Variants in MAP2K5 observed in about 807,000 individuals in gnomAD.
The protein encoded by MAP2K5 is dual specificity mitogen-activated protein kinase kinase 5.
In MAP2K5, 49 loss-of-function variants were observed where a neutral mutation model predicts 83.1. The ratio of observed to expected loss-of-function variants is 0.59; its 90% CI spans 0.47 to 0.75. The LOEUF is 0.75. MAP2K5 is among the 30% of genes least tolerant of loss of function. The pLI, the probability that MAP2K5 is intolerant of heterozygous loss-of-function variation, is 0.00. For missense variants in MAP2K5, 457 were observed against 557.5 expected, an observed-to-expected ratio of 0.82 and a Z score of 1.82; for synonymous variants, 202 against 191.8, an observed-to-expected ratio of 1.05 and a Z score of -0.44.
At chr15:67,699,022 T>C (rs2141210536) in intron 15 of MAP2K5, among the ~76,000 whole-genome samples, 1 of 151,956 alleles carries the variant, frequency 6.6e-6, no homozygotes, top group East Asian at 1.9e-4. Context: ...GGTCTCAGAG[T>C]TGGCACATAG....
chr15:67,692,504 A>T lies in MAP2K5; in HGVS notation c.873A>T (p.Val291=). Residue 291 remains valine, a synonymous_variant, in exon 14 of 22, where the codon GTA becomes GTT. Transcript: ENST00000178640. ...ACGTGAAGCCCTCCAATATGCTAGTAAACACAAGAGGACAGGTTAAGCTGT... is the reference window on the plus strand; with the variant it reads ...ACGTGAAGCCCTCCAATATGCTAGTTAACACAAGAGGACAGGTTAAGCTGT... ...HRDVKPSNML[V]NTRGQVKLCD... is the part of the protein sequence containing the mutation. The T allele has an allele frequency of 6.2e-7, 1 of 1,613,630 alleles. No individual in the cohort carries two copies. Among genetic ancestry groups the T allele is most frequent in the Non-Finnish European group, 8.5e-7 (1 of 1,179,640 alleles).
chr15:67,603,892 T>C (rs1422546270), intron 8 of MAP2K5, among the ~76,000 whole-genome samples: 3 of 152,212 alleles, frequency 2.0e-5, no homozygotes, highest in Admixed American at 6.5e-5. Flanking sequence ...AATCCACTCA[T>C]TGGTAACAAA....
In MAP2K5 at chr15:67,783,307, TCTC is replaced by T. The variant is rs1168006938; in HGVS notation, c.1242+10560_1242+10562del. On this transcript the variant is annotated intron_variant, in intron 21 of 21. Coordinates refer to ENST00000178640, the MANE Select transcript of MAP2K5 (RefSeq NM_145160.3). The surrounding 1 kb of genome is among the most constrained non-coding windows in gnomAD (Gnocchi z 5.1). ...AATTGCCAGAGACCCCCGCTCACCT[TCTC>T]CTCCCACCCTCACCTACCCCTTCAC... is the stretch of plus-strand genomic sequence containing the variant. 6.6e-6 allele frequency among the ~76,000 whole-genome samples: 1 copy of T among 151,984 alleles called. No individual in the cohort carries two copies. Among genetic ancestry groups the T allele is most frequent in the Non-Finnish European group, 1.5e-5 (1 of 67,988 alleles).
Position 67,626,031 on chromosome 15 carries a change from A to G in MAP2K5, c.546-4857A>G, listed in dbSNP as rs1302067058. Among the ~76,000 whole-genome samples the G allele has an allele frequency of 2.0e-5, 3 of 152,092 alleles. No homozygotes were observed. The East Asian group carries it at 5.8e-4, about 29-fold the overall frequency. On this transcript the variant is annotated intron_variant, in intron 8 of 21. Transcript: ENST00000178640. Reference sequence around the variant, plus strand: ...AAGTAACAACACTGATCTTTTTACAACTTTTGAATCCTGTGTATATATTTA... The same window carrying G: ...AAGTAACAACACTGATCTTTTTACAGCTTTTGAATCCTGTGTATATATTTA...
rs1270064963 is a variant in MAP2K5, at chr15:67,543,407, A to C, written c.72A>C (p.Pro24=). The C allele has an allele frequency of 6.2e-7, 1 of 1,613,928 alleles. No homozygotes were observed. Among genetic ancestry groups the C allele is most frequent in the East Asian group, 2.2e-5 (1 of 44,880 alleles). Residue 24 remains proline (P), a synonymous_variant, in exon 1 of 22, where the codon CCA becomes CCC. Transcript: ENST00000178640. The surrounding 1 kb of genome is among the most constrained non-coding windows in gnomAD (Gnocchi z 4.3). ...NQVLVIRIKI[P]NSGAVDWTVH... ...TGCTGGTAATTCGCATCAAGATCCC[A>C]AATAGTGGCGCGGTGGACTGGACAG...
In MAP2K5 at chr15:67,565,231, T is replaced by C. The variant is rs118134506; in HGVS notation, c.252+1881T>C. Among the ~76,000 whole-genome samples, 1,281 of 152,208 alleles carry C rather than the reference T, an allele frequency of 8.4e-3. 43 individuals carry two copies. Among genetic ancestry groups the C allele is most frequent in the Admixed American group, 0.062 (942 of 15,288 alleles). ...GATTTTTTTTATGTCATCACTGTTA[T>C]TTATTTTTTTTTCTCCGAGATGGAG... On this transcript the variant is annotated intron_variant, in intron 3 of 21. Transcript: ENST00000178640. The surrounding 1 kb of genome is among the most constrained non-coding windows in gnomAD (Gnocchi z 4.1).
chr15:67,610,587 C>T (rs755825219), intron 8 of MAP2K5, among the ~76,000 whole-genome samples: 6 of 152,124 alleles, frequency 3.9e-5, no homozygotes, highest in South Asian at 4.1e-4. Context: ...AGGCATTTAC[C>T]GCGTATAACT....
intron 17 of MAP2K5, among the ~76,000 whole-genome samples, chr15:67,741,039 A>G (rs1045681756): frequency 1.3e-5 from 2 of 152,008 alleles, no homozygotes; most frequent in African/African-American, 4.8e-5. Context: ...AAAAAAAAAA[A>G]AAAAAAAAAG....
intron 8 of MAP2K5, among the ~76,000 whole-genome samples, chr15:67,622,471 G>A (rs183543173): frequency 6.6e-6 from 1 of 152,114 alleles, no homozygotes; most frequent in African/African-American, 2.4e-5. Flanking sequence ...ATGAAATGGA[G>A]ATGAGTATAA....
At chr15:67,648,642 G>T (rs1445075698) in intron 11 of MAP2K5, among the ~76,000 whole-genome samples, 1 of 148,184 alleles carries the variant, frequency 6.7e-6, no homozygotes, top group Non-Finnish European at 1.5e-5. Context: ...GGGTGATCTC[G>T]GCTCACTGCA....
In MAP2K5 at chr15:67,636,669, A is replaced by G. The variant is rs1470610275; in HGVS notation, c.585+5742A>G. On this transcript the variant is annotated intron_variant, in intron 9 of 21. Transcript: ENST00000178640. The surrounding 1 kb of genome is among the most constrained non-coding windows in gnomAD (Gnocchi z 4.7). ...GCCTTATAATTTTTTATTGGATACC[A>G]GACATGTGGCATGGGTGCTATTTTT... Among the ~76,000 whole-genome samples, 1 of 152,154 alleles carries G rather than the reference A, an allele frequency of 6.6e-6. No homozygotes were observed. The highest frequency in any genetic ancestry group is 1.5e-5 in the Non-Finnish European group (1 of 68,024).
chr15:67,798,596 CTG>C (rs1053454475), intron 21 of MAP2K5, among the ~76,000 whole-genome samples: 59 of 152,312 alleles, frequency 3.9e-4, no homozygotes, highest in African/African-American at 1.3e-3. Flanking sequence ...GCCTATTACT[CTG>C]TGTAGAAACA....
Position 67,760,413 on chromosome 15 carries a change from T to C in MAP2K5, c.1135-9189T>C, listed in dbSNP as rs1451431206. Among the ~76,000 whole-genome samples the C allele has an allele frequency of 1.3e-5, 2 of 152,246 alleles. No individual in the cohort carries two copies. Among genetic ancestry groups the C allele is most frequent in the East Asian group, 1.9e-4 (1 of 5,206 alleles). ...AAAAGTTTTTTTAAACACACAATTA[T>C]ATAAAATTAGATTTTATTAACTATT... is the stretch of plus-strand genomic sequence containing the variant. On this transcript the variant is annotated intron_variant, in intron 19 of 21. Coordinates refer to ENST00000178640, the MANE Select transcript of MAP2K5 (RefSeq NM_145160.3). This position sits in a 1 kb window ranked among gnomAD's most constrained non-coding sequence, Gnocchi z 4.1.
chr15:67,583,852 G>A (rs1002087767), intron 4 of MAP2K5, among the ~76,000 whole-genome samples: 1 of 152,024 alleles, frequency 6.6e-6, no homozygotes, highest in African/African-American at 2.4e-5. Flanking sequence ...GGCTGGAGCA[G>A]TTCTCTCGCC....
rs2085316535 is a variant in MAP2K5, at chr15:67,587,652, G to A, written c.431+739G>A. Among the ~76,000 whole-genome samples the A allele has an allele frequency of 6.6e-6, 1 of 152,088 alleles. No individual in the cohort carries two copies. Among genetic ancestry groups the A allele is most frequent in the African/African-American group, 2.4e-5 (1 of 41,390 alleles). The stretch of plus-strand genomic sequence containing the variant: ...GTGAGCTGAGATTTGTCTTTCTATA[G>A]CGCCCACTCATAACGTTTTAGTTAA... On this transcript the variant is annotated intron_variant, in intron 6 of 21. Transcript: ENST00000178640. The surrounding 1 kb of genome is among the most constrained non-coding windows in gnomAD (Gnocchi z 4.8).
chr15:67,664,540 A>T (rs2087323878), intron 12 of MAP2K5, 57 bp from the exon 13 acceptor site: 1 of 1,130,334 alleles, frequency 8.8e-7, no homozygotes, highest in African/African-American at 1.6e-5. Flanking sequence ...AAATATGGAA[A>T]GTTCCTTTTA....
chr15:67,737,530 CCAA>C (rs1376359461), intron 17 of MAP2K5, among the ~76,000 whole-genome samples: 1 of 151,934 alleles, frequency 6.6e-6, no homozygotes, highest in Non-Finnish European at 1.5e-5. Context: ...CTCTTCAGTG[CCAA>C]TAAAACAGAC....
At chr15:67,576,155 G>C (rs1430647961) in intron 3 of MAP2K5, among the ~76,000 whole-genome samples, 1 of 146,324 alleles carries the variant, frequency 6.8e-6, no homozygotes, top group Non-Finnish European at 1.5e-5. Context: ...GATCTCAGGT[G>C]ATCTGCCTGC....
intron 13 of MAP2K5, among the ~76,000 whole-genome samples, chr15:67,674,902 G>A (rs2087640015): frequency 6.6e-6 from 1 of 152,034 alleles, no homozygotes; most frequent in South Asian, 2.1e-4. Context: ...ACCACCATGA[G>A]ATATTACTAT....
Sources: gnomAD v4.1 joint callset for allele counts (sites outside exome capture counted in the v4.1 genomes callset) on GRCh38, gnomAD v4.1.1 for gene constraint, Gnocchi (gnomAD v3.1) non-coding constraint, MANE v1.5 for transcripts, NCBI Gene and HGNC (gene_info 2026-07-23, HGNC 2026-07-21) for gene names.